The following SLC2A9 variants were observed in gnomAD, a reference collection of about 807,000 sequenced individuals.
SLC2A9 encodes solute carrier family 2, facilitated glucose transporter member 9.
In SLC2A9, 39 loss-of-function variants were observed where a neutral mutation model predicts 50.6. The ratio of observed to expected loss-of-function variants is 0.77; its 90% CI spans 0.60 to 1.01. SLC2A9 has a LOEUF of 1.01. Among genes scored for constraint, SLC2A9 ranks in the 50% least tolerant of loss-of-function variants. The pLI, the probability that SLC2A9 is intolerant of heterozygous loss-of-function variation, is 0.00. For missense variants in SLC2A9, 686 were observed against 677.6 expected (o/e 1.01, Z -0.14); for synonymous variants, 324 against 276.9 (o/e 1.17, Z -1.69).
intron 6 of SLC2A9, among the ~76,000 whole-genome samples, chr4:9,923,471 G>T (rs546163797): frequency 6.6e-5 from 10 of 152,188 alleles, no homozygotes; most frequent in Non-Finnish European, 1.0e-4. Flanking sequence ...CTCTTGTGCA[G>T]CTGCTGGCAC....
rs114444536 is a variant in SLC2A9, at chr4:9,982,328, C to G, written c.536-1591G>C. Among the ~76,000 whole-genome samples, 1,441 of 152,338 alleles carry G rather than the reference C, an allele frequency of 9.5e-3. 28 individuals carry two copies. Among genetic ancestry groups the G allele is most frequent in the African/African-American group, 0.033 (1,390 of 41,582 alleles). On this transcript the variant is annotated intron_variant, in intron 4 of 11. Transcript: ENST00000264784. ...TTGGTGAGAATACATGACATGAAGT[C>G]TCCAAGTCCTGGCGTGACTCCAACA...
At chr4:9,989,833 T>C (rs1014847233) in intron 3 of SLC2A9, among the ~76,000 whole-genome samples, 77 of 152,148 alleles carry the variant, frequency 5.1e-4, no homozygotes, top group African/African-American at 1.7e-3. Flanking sequence ...TTCAAAGAAG[T>C]GGAGCCTCTT....
chr4:9,964,852 C>T (rs140287429), intron 5 of SLC2A9, among the ~76,000 whole-genome samples: 174 of 152,284 alleles, frequency 1.1e-3, no homozygotes, highest in African/African-American at 3.9e-3. Flanking sequence ...CAAGTCAGGA[C>T]GTTGGTCCTA....
intron 3 of SLC2A9, among the ~76,000 whole-genome samples, chr4:9,988,149 G>A (rs1757061824): frequency 6.6e-6 from 1 of 152,242 alleles, no homozygotes; most frequent in African/African-American, 2.4e-5. Flanking sequence ...CAACAGGTGA[G>A]TCAACCACTG....
intron 1 of SLC2A9, among the ~76,000 whole-genome samples, chr4:10,039,565 T>A (rs1764213813): frequency 1.3e-5 from 2 of 152,180 alleles, no homozygotes; most frequent in African/African-American, 4.8e-5. Flanking sequence ...TGCCTCATCC[T>A]CCTCGCTGCC....
intron 7 of SLC2A9, among the ~76,000 whole-genome samples, chr4:9,918,006 T>C (rs568485093): frequency 6.6e-6 from 1 of 151,152 alleles, no homozygotes; most frequent in South Asian, 2.1e-4. Context: ...TGACTTTGTC[T>C]GTGCAGGCAC....
At chr4:9,965,954 G>C (rs1752984942) in intron 5 of SLC2A9, among the ~76,000 whole-genome samples, 1 of 152,206 alleles carries the variant, frequency 6.6e-6, no homozygotes, top group Non-Finnish European at 1.5e-5. Context: ...GGTTTTACTA[G>C]TGAGGTCTTT....
At chr4:9,925,263 G>T (rs1245186470) in intron 6 of SLC2A9, among the ~76,000 whole-genome samples, 2 of 152,158 alleles carry the variant, frequency 1.3e-5, no homozygotes, top group Admixed American at 6.5e-5. Flanking sequence ...ATCTTTTGGA[G>T]ACCTTCCCTG....
intron 4 of SLC2A9, among the ~76,000 whole-genome samples, chr4:9,984,821 C>T (rs1053817527): frequency 2.0e-5 from 3 of 152,168 alleles, no homozygotes; most frequent in Non-Finnish European, 2.9e-5. Flanking sequence ...ATTACTGGAA[C>T]AAACCAGTCC....
At chr4:9,998,952 T>A (rs186819913) in intron 2 of SLC2A9, among the ~76,000 whole-genome samples, 31 of 152,054 alleles carry the variant, frequency 2.0e-4, no homozygotes, top group Non-Finnish European at 3.4e-4. Context: ...CAAATTAAAA[T>A]TTTTTGGAGA....
At chr4:9,938,022 C>A (rs186981623) in intron 6 of SLC2A9, among the ~76,000 whole-genome samples, 3 of 152,204 alleles carry the variant, frequency 2.0e-5, no homozygotes, top group East Asian at 1.9e-4. Flanking sequence ...TTTGTTCCCC[C>A]CCGAACATTA....
chr4:9,868,209 C>T (rs1560212953), intron 10 of SLC2A9, among the ~76,000 whole-genome samples: 1 of 152,208 alleles, frequency 6.6e-6, no homozygotes, highest in Non-Finnish European at 1.5e-5. Flanking sequence ...CATCTGTCTC[C>T]CTTACCAGAG....
chr4:9,941,623 G>A (rs1748144427), intron 6 of SLC2A9, among the ~76,000 whole-genome samples: 1 of 152,202 alleles, frequency 6.6e-6, no homozygotes, highest in Admixed American at 6.5e-5. Context: ...TAGAGAGGTG[G>A]TAGTGAGACA....
At chr4:9,914,916 C>T (rs1742569672) in intron 7 of SLC2A9, among the ~76,000 whole-genome samples, 1 of 152,176 alleles carries the variant, frequency 6.6e-6, no homozygotes, top group African/African-American at 2.4e-5. Flanking sequence ...TAAGAGTGGC[C>T]AGAAAATGCT....
intron 4 of SLC2A9, among the ~76,000 whole-genome samples, chr4:9,981,050 G>A (rs893275571): frequency 2.6e-5 from 4 of 152,106 alleles, no homozygotes; most frequent in African/African-American, 9.6e-5. Context: ...TGGTGGTGGT[G>A]ATAGTGATGG....
intron 3 of SLC2A9, among the ~76,000 whole-genome samples, chr4:9,989,252 C>G (rs182308346): frequency 2.6e-5 from 4 of 152,318 alleles, no homozygotes; most frequent in Non-Finnish European, 2.9e-5. Flanking sequence ...ATCTACAAAG[C>G]TCAGCTTGGC....
chr4:10,031,053 G>A (rs984884205), intron 1 of SLC2A9, among the ~76,000 whole-genome samples: 7 of 152,212 alleles, frequency 4.6e-5, no homozygotes, highest in Non-Finnish European at 1.0e-4. Flanking sequence ...CTTAGATTGA[G>A]GAGCTGGGAT....
intron 1 of SLC2A9, among the ~76,000 whole-genome samples, chr4:10,038,883 C>A (rs1360140027): frequency 6.6e-6 from 1 of 152,174 alleles, no homozygotes; most frequent in Non-Finnish European, 1.5e-5. Flanking sequence ...TGGCAGCACA[C>A]TAGAGCAGGA....
At chr4:9,816,322 T>C (rs1224582013) in intron 3 of SLC2A9, among the ~76,000 whole-genome samples, 1 of 152,194 alleles carries the variant, frequency 6.6e-6, no homozygotes, top group Non-Finnish European at 1.5e-5. Flanking sequence ...CTGCTGTAAC[T>C]AATTTCTAAA....
Sources: gnomAD v4.1 joint callset for allele counts (sites outside exome capture counted in the v4.1 genomes callset) on GRCh38, gnomAD v4.1.1 for gene constraint, MANE v1.5 for transcripts, NCBI Gene and HGNC (gene_info 2026-07-23, HGNC 2026-07-21) for gene names.